The following PAM variants were observed in gnomAD, a reference collection of about 807,000 sequenced individuals.
PAM encodes peptidylglycine alpha-amidating monooxygenase.
PAM carries 72 observed loss-of-function variants against 122.1 expected under a neutral mutation model. That is an observed-to-expected ratio of 0.59 (90% CI 0.49 to 0.72). The LOEUF is 0.72. PAM is among the 30% of genes least tolerant of loss of function. The probability of loss-of-function intolerance (pLI) is 0.00; values close to 1 mark genes in which losing one functional copy is unlikely to be tolerated. For synonymous variants in PAM, 389 were observed against 404.4 expected (o/e 0.96, Z 0.46); for missense variants, 1,106 against 1,183.7 (o/e 0.93, Z 0.96).
chr5:102,865,392 T>G (rs967731764), intron 1 of PAM: 3 of 152,382 alleles, frequency 2.0e-5, no homozygotes, highest in Non-Finnish European at 4.4e-5. Context: ...TGTCTTTGCC[T>G]CTCTTCGTTT....
At chr5:102,995,446 T>G (rs1775409325) in intron 16 of PAM, among the ~76,000 whole-genome samples, 1 of 152,168 alleles carries the variant, frequency 6.6e-6, no homozygotes, top group African/African-American at 2.4e-5. Flanking sequence ...AGGTCAATCC[T>G]AGTAAGAGAA....
At chr5:102,835,162 T>TTA (rs1449031749) in intron 1 of PAM, among the ~76,000 whole-genome samples, 2 of 152,176 alleles carry the variant, frequency 1.3e-5, no homozygotes, top group Non-Finnish European at 1.5e-5. Flanking sequence ...CAGGGCTTTC[T>TTA]TATATATATT....
chr5:102,892,741 A>C (rs1795100073), intron 3 of PAM, among the ~76,000 whole-genome samples: 1 of 151,816 alleles, frequency 6.6e-6, no homozygotes, highest in Non-Finnish European at 1.5e-5. Flanking sequence ...ACATACATTT[A>C]TTTGAGTTTT....
chr5:102,775,707 A>G (rs1397574760), intron 1 of PAM, among the ~76,000 whole-genome samples: 2 of 152,124 alleles, frequency 1.3e-5, no homozygotes, highest in Non-Finnish European at 2.9e-5. Flanking sequence ...TTCATGGTGT[A>G]TATGCACCAC....
At chr5:102,983,403 T>C (rs1770581834) in intron 15 of PAM, among the ~76,000 whole-genome samples, 1 of 137,548 alleles carries the variant, frequency 7.3e-6, no homozygotes, top group African/African-American at 2.9e-5. Context: ...TGAGCCAAGA[T>C]AGCACCACTG....
intron 1 of PAM, among the ~76,000 whole-genome samples, chr5:102,755,637 G>C (rs564098858): frequency 6.6e-6 from 1 of 152,098 alleles, no homozygotes; most frequent in East Asian, 1.9e-4. Context: ...TTTGTGAGGG[G>C]TCGTCCTCCC....
At chr5:102,932,610 C>T (rs1751937649) in intron 7 of PAM, among the ~76,000 whole-genome samples, 1 of 148,456 alleles carries the variant, frequency 6.7e-6, no homozygotes, top group East Asian at 2.0e-4. Flanking sequence ...TGCACTCCAG[C>T]CTGGGTGACA....
In PAM at chr5:102,842,860, C is replaced by T. The variant is rs138205692; in HGVS notation, c.-373-22963C>T. On this transcript the variant is annotated intron_variant, in intron 1 of 25. Transcript: ENST00000438793. Reference sequence around the variant, plus strand: ...TTTATGAGCCATACTTTGAGAGAAACATAACTTCTCCATTTGATATATACA... The same window carrying T: ...TTTATGAGCCATACTTTGAGAGAAATATAACTTCTCCATTTGATATATACA... Among the ~76,000 whole-genome samples the T allele has an allele frequency of 3.7e-4, 57 of 152,268 alleles. 1 individual carries two copies. In the East Asian group the frequency reaches 0.011, roughly 29 times the overall value.
chr5:102,789,594 C>G (rs1042929110), intron 1 of PAM, among the ~76,000 whole-genome samples: 3 of 152,050 alleles, frequency 2.0e-5, no homozygotes, highest in Middle Eastern at 3.2e-3. Context: ...TAGTCAGATT[C>G]AAGACAGAAG....
intron 13 of PAM, 119 bp from the exon 14 acceptor site, chr5:102,961,039 C>T (rs1023732906): frequency 2.1e-5 from 10 of 477,986 alleles, no homozygotes; most frequent in Admixed American, 1.0e-4. Flanking sequence ...ATTCTTAATA[C>T]GGTAATAAGC....
chr5:103,004,243 T>A (rs982173157), intron 17 of PAM, among the ~76,000 whole-genome samples: 2 of 152,208 alleles, frequency 1.3e-5, no homozygotes, highest in Admixed American at 6.5e-5. Context: ...GCTCTATTTA[T>A]TCACCAGAAG....
At chr5:102,779,918 T>TATATATATATATATATACAC (rs147065045) in intron 1 of PAM, among the ~76,000 whole-genome samples, 6 of 95,670 alleles carry the variant, frequency 6.3e-5, no homozygotes, top group African/African-American at 2.7e-4. Context: ...TATATATATA[T>TATATATATATATATATACAC]ACACACATAT....
chr5:102,878,776 TAAAG>T (rs1387352863), intron 3 of PAM, among the ~76,000 whole-genome samples: 3 of 152,088 alleles, frequency 2.0e-5, no homozygotes, highest in East Asian at 3.9e-4. Context: ...AATAAAGACA[TAAAG>T]AAAATATCTT....
At chr5:102,874,776 ATACT>A (rs949415942) in intron 3 of PAM, among the ~76,000 whole-genome samples, 101 of 148,428 alleles carry the variant, frequency 6.8e-4, no homozygotes, top group African/African-American at 2.4e-3. Flanking sequence ...AGGAGAAAAC[ATACT>A]TAGTGAGTAT....
chr5:102,824,201 T>A (rs1772896939), intron 1 of PAM, among the ~76,000 whole-genome samples: 2 of 152,298 alleles, frequency 1.3e-5, no homozygotes, highest in African/African-American at 4.8e-5. Context: ...CGAGACTATG[T>A]TATTCATAAA....
chr5:102,950,900 A>G (rs1039668542), intron 12 of PAM, 80 bp downstream of exon 12: 4 of 834,466 alleles, frequency 4.8e-6, no homozygotes, highest in East Asian at 5.0e-5. Context: ...ATCTTTGTGA[A>G]TAAATTGTAC....
At chr5:102,888,588 A>T (rs1310557892) in intron 3 of PAM, among the ~76,000 whole-genome samples, 2 of 151,814 alleles carry the variant, frequency 1.3e-5, no homozygotes, top group African/African-American at 2.4e-5. Context: ...CTCTGTACCT[A>T]ATAGTCCAGT....
chr5:102,853,348 A>G (rs1462181016), intron 1 of PAM, among the ~76,000 whole-genome samples: 2 of 152,114 alleles, frequency 1.3e-5, no homozygotes, highest in Non-Finnish European at 2.9e-5. Flanking sequence ...TTTTAGTGTT[A>G]GGAAGAGTAT....
intron 15 of PAM, among the ~76,000 whole-genome samples, chr5:102,982,066 G>A (rs1770076100): frequency 6.6e-6 from 1 of 152,022 alleles, no homozygotes; most frequent in Non-Finnish European, 1.5e-5. Context: ...ACATCATTGA[G>A]GCCTGGGTAC....
Sources: allele counts gnomAD v4.1 joint callset (sites outside exome capture counted in the v4.1 genomes callset), GRCh38; gene constraint gnomAD v4.1.1; transcripts MANE v1.5; gene names NCBI Gene and HGNC (gene_info 2026-07-23, HGNC 2026-07-21).